The following SEMA4D variants were observed in gnomAD, a reference collection of about 807,000 sequenced individuals.
SEMA4D encodes semaphorin 4D.
SEMA4D carries 22 observed loss-of-function variants against 74.8 expected under a neutral mutation model. The observed-to-expected ratio is 0.29, with a 90% CI of 0.21 to 0.42. The LOEUF (loss-of-function observed/expected upper bound fraction) is 0.42, where lower values mean the gene tolerates loss of function less well. Ranked by LOEUF, SEMA4D falls within the 10% of genes least tolerant of loss-of-function variation. SEMA4D has a pLI of 1.00. For synonymous variants in SEMA4D, 445 were observed against 463.7 expected (o/e 0.96, Z 0.52); for missense variants, 937 against 1,118.4 (o/e 0.84, Z 2.31).
At position 89,484,097 on chromosome 9, in the gene SEMA4D, G is replaced by A. The variant is rs1411806533; in HGVS notation, c.-310+13822C>T. Among the ~76,000 whole-genome samples the A allele has an allele frequency of 6.6e-6, 1 of 152,256 alleles. No homozygotes were observed. Among genetic ancestry groups the A allele is most frequent in the Non-Finnish European group, 1.5e-5 (1 of 68,042 alleles). On this transcript the variant is annotated intron_variant, in intron 1 of 15. Transcript: ENST00000422704. The surrounding 1 kb of genome is among the most constrained non-coding windows in gnomAD (Gnocchi z 4.1). ...TGCGCACAAGCTGGCAGGCACAGAA[G>A]GGCTTCCGGGCTCCCCCAGGAACTG...
intron 2 of SEMA4D, chr9:89,450,591 T>C: frequency 1.1e-6 from 1 of 934,162 alleles, no homozygotes; most frequent in African/African-American, 1.7e-5. Flanking sequence ...CCTCTATAAG[T>C]CTGAGATGAA....
Position 89,379,567 on chromosome 9 carries a change from A to G in SEMA4D, c.1726T>C (p.Cys576Arg). Reference sequence around the variant, plus strand: ...CGGGCCAGGTTGGATTTTTGGGAGCATTTCAGTTCCGCTGTGCCACCGTGC... The same window carrying G: ...CGGGCCAGGTTGGATTTTTGGGAGCGTTTCAGTTCCGCTGTGCCACCGTGC... The part of the protein sequence containing the change: ...FKHGGTAELK[C>R]SQKSNLARVF... The change falls in exon 16 of 16, where the codon TGC (cysteine) becomes CGC (arginine). Residue 576 changes from cysteine (C) to arginine (R), a missense_variant. Cys to Arg is a radical substitution (Grantham distance 180). Coordinates refer to ENST00000422704, the MANE Select transcript of SEMA4D (RefSeq NM_001371194.2). The G allele has an allele frequency of 1.2e-6, 2 of 1,614,088 alleles. No homozygotes were observed.
chr9:89,432,970 A>G (rs1394552517), intron 2 of SEMA4D, among the ~76,000 whole-genome samples: 4 of 152,370 alleles, frequency 2.6e-5, no homozygotes, highest in African/African-American at 9.6e-5. Context: ...TCATGTCCTC[A>G]AAGTGACCCC....
intron 1 of SEMA4D, among the ~76,000 whole-genome samples, chr9:89,497,113 A>C (rs1826080437): frequency 6.6e-6 from 1 of 152,032 alleles, no homozygotes; most frequent in African/African-American, 2.4e-5. Flanking sequence ...CCACTCTCCC[A>C]CCTACCCCCC....
chr9:89,455,023 C>T (rs970452003), intron 2 of SEMA4D, among the ~76,000 whole-genome samples: 2 of 152,256 alleles, frequency 1.3e-5, no homozygotes, highest in African/African-American at 4.8e-5. Context: ...GCAGGCAGCC[C>T]GATCCCAACA....
chr9:89,479,760 A>G (rs1368116590), intron 1 of SEMA4D: 4 of 162,938 alleles, frequency 2.5e-5, no homozygotes, highest in African/African-American at 7.3e-5. Flanking sequence ...CGCTGGGCTC[A>G]GGAGTGAAGC....
At chr9:89,367,706 G>A (rs902636696) in intron 16 of SEMA4D, 18 of 152,288 alleles carry the variant, frequency 1.2e-4, no homozygotes, top group African/African-American at 2.4e-5. Flanking sequence ...TGTGGCAGAT[G>A]CCGTAGGTAA....
chr9:89,424,375 G>A (rs1453734505), intron 2 of SEMA4D, among the ~76,000 whole-genome samples: 6 of 152,238 alleles, frequency 3.9e-5, no homozygotes, highest in South Asian at 2.1e-4. Flanking sequence ...CTAGATCAAC[G>A]TCAATCTCCA....
At chr9:89,371,527 TGTGTGTGTGGGG>T (rs1834791308) in intron 16 of SEMA4D, among the ~76,000 whole-genome samples, 1 of 35,638 alleles carries the variant, frequency 2.8e-5, no homozygotes, top group Non-Finnish European at 5.1e-5. Context: ...TGGGGTGTGG[TGTGTGTGTGGGG>T]GTGTGTTTGG....
intron 2 of SEMA4D, among the ~76,000 whole-genome samples, chr9:89,425,358 C>T (rs10797121): frequency 0.67 from 101,176 of 152,094 alleles, 34,020 homozygotes; most frequent in Middle Eastern, 0.78. Context: ...TCTTCATTCA[C>T]GGGGTCTCCT....
At chr9:89,363,990 A>C in intron 16 of SEMA4D, 1 of 1,613,858 alleles carries the variant, frequency 6.2e-7, no homozygotes, top group Non-Finnish European at 8.5e-7. Flanking sequence ...GTCCACATTT[A>C]GGACCCAAAG....
chr9:89,477,850 A>G (rs911290346), intron 1 of SEMA4D, among the ~76,000 whole-genome samples: 1 of 152,236 alleles, frequency 6.6e-6, no homozygotes, highest in Non-Finnish European at 1.5e-5. Flanking sequence ...TAAATATCCA[A>G]CAAGTATTCT....
intron 2 of SEMA4D, among the ~76,000 whole-genome samples, chr9:89,421,235 G>A (rs1287125125): frequency 6.6e-6 from 1 of 152,222 alleles, no homozygotes; most frequent in Non-Finnish European, 1.5e-5. Flanking sequence ...TGGCCCAGAA[G>A]CAGGTAAGGA....
At chr9:89,485,792 AAAAAAAAAAAAAAAAAAAAAAAG>A (rs1429201424) in intron 1 of SEMA4D, among the ~76,000 whole-genome samples, 14,633 of 67,604 alleles carry the variant, frequency 0.22, 842 homozygotes, top group Middle Eastern at 0.31. Context: ...CCATCTCAAA[AAAAAAAAAAAAAAAAAAAAAAAG>A]AAAAAAAAAA....
At chr9:89,421,336 C>T (rs1846901611) in intron 2 of SEMA4D, among the ~76,000 whole-genome samples, 1 of 152,204 alleles carries the variant, frequency 6.6e-6, no homozygotes, top group Admixed American at 6.5e-5. Flanking sequence ...TATTACAACA[C>T]AATACCATTA....
chr9:89,418,883 TC>T (rs1412571539), intron 2 of SEMA4D: 3 of 152,372 alleles, frequency 2.0e-5, no homozygotes. Context: ...GAGGAGGGTT[TC>T]TTTTTTGTTT....
chr9:89,380,713 T>C (rs1299010025), intron 15 of SEMA4D, among the ~76,000 whole-genome samples: 1 of 152,110 alleles, frequency 6.6e-6, no homozygotes, highest in Non-Finnish European at 1.5e-5. Flanking sequence ...ACCCCAGCCC[T>C]TACACTGCCT....
intron 3 of SEMA4D, among the ~76,000 whole-genome samples, chr9:89,404,735 G>A (rs1428449136): frequency 6.6e-5 from 8 of 121,938 alleles, no homozygotes; most frequent in East Asian, 2.6e-4. Flanking sequence ...TGGGGTCCCT[G>A]TCCCATTCTC....
intron 1 of SEMA4D, among the ~76,000 whole-genome samples, chr9:89,493,119 T>C (rs749461027): frequency 6.6e-6 from 1 of 152,160 alleles, no homozygotes; most frequent in Non-Finnish European, 1.5e-5. Context: ...GGGAGGGCCC[T>C]GAAAGGTAAG....
Sources: allele counts gnomAD v4.1 joint callset (sites outside exome capture counted in the v4.1 genomes callset), GRCh38; gene constraint gnomAD v4.1.1; non-coding constraint Gnocchi (gnomAD v3.1); transcripts MANE v1.5; gene names NCBI Gene and HGNC (gene_info 2026-07-23, HGNC 2026-07-21).